Variants in VCAN observed in about 807,000 individuals in gnomAD.
VCAN encodes the protein versican, also known as versican core protein.
In VCAN, 44 loss-of-function variants were observed where a neutral mutation model predicts 245.5. That is an observed-to-expected ratio of 0.18 (90% CI 0.14 to 0.23). The LOEUF is 0.23. VCAN is among the 10% of genes least tolerant of loss of function. The pLI is 1.00. For missense variants in VCAN, 3,793 were observed against 4,057.9 expected (o/e 0.93, Z 1.77); for synonymous variants, 1,413 against 1,437.0 (o/e 0.98, Z 0.38).
At chr5:83,568,382 G>T (rs965672638) in intron 12 of VCAN, among the ~76,000 whole-genome samples, 3 of 152,112 alleles carry the variant, frequency 2.0e-5, no homozygotes, top group African/African-American at 7.2e-5. Context: ...CTAAAATTTG[G>T]TACTGCACCA....
Position 83,490,189 on chromosome 5 carries a change from C to G in VCAN, c.162C>G (p.Pro54=). The G allele has an allele frequency of 6.2e-7, 1 of 1,614,160 alleles. No individual in the cohort carries two copies. The highest frequency in any genetic ancestry group is 8.5e-7 in the Non-Finnish European group (1 of 1,180,030). ...CHFSTMPTLP[P]SYNTSEFLRI... is the part of the protein sequence containing the mutation. Reference sequence around the variant, plus strand: ...TTTCAACGATGCCTACTTTGCCACCCAGTTACAACACCAGTGAATTTCTCC... The same window carrying G: ...TTTCAACGATGCCTACTTTGCCACCGAGTTACAACACCAGTGAATTTCTCC... Residue 54 remains proline, a synonymous_variant, in exon 3 of 15, where the codon CCC becomes CCG. Transcript: ENST00000265077.
chr5:83,531,635 G>A (rs964263557), intron 7 of VCAN, among the ~76,000 whole-genome samples: 3 of 152,066 alleles, frequency 2.0e-5, no homozygotes, highest in Admixed American at 6.6e-5. Context: ...GTACATTTAC[G>A]TTTAATTAAA....
chr5:83,516,473 G>C (rs1378963087), intron 6 of VCAN, among the ~76,000 whole-genome samples: 1 of 152,178 alleles, frequency 6.6e-6, no homozygotes, highest in Non-Finnish European at 1.5e-5. Context: ...GCTGCTAATG[G>C]GGGTTTTAAG....
At chr5:83,568,202 A>G (rs1434001586) in intron 12 of VCAN, among the ~76,000 whole-genome samples, 1 of 152,188 alleles carries the variant, frequency 6.6e-6, no homozygotes, top group African/African-American at 2.4e-5. Flanking sequence ...AAAGACACAA[A>G]GGAAGTTGTT....
intron 1 of VCAN, among the ~76,000 whole-genome samples, chr5:83,482,529 A>G (rs1744647928): frequency 6.6e-6 from 1 of 152,226 alleles, no homozygotes; most frequent in African/African-American, 2.4e-5. Context: ...TGTGTTAGAA[A>G]GGAGAAACGC....
chr5:83,531,854 A>T (rs1055813403), intron 7 of VCAN, among the ~76,000 whole-genome samples: 6 of 152,092 alleles, frequency 3.9e-5, no homozygotes, highest in Admixed American at 6.6e-5. Context: ...AAATGTCATT[A>T]AAAAAAGCCT....
chr5:83,532,878 A>G (rs550018879), intron 7 of VCAN, among the ~76,000 whole-genome samples: 11 of 152,038 alleles, frequency 7.2e-5, no homozygotes, highest in African/African-American at 2.4e-4. Context: ...TTAGTAGACA[A>G]TTTTTTTTCT....
intron 6 of VCAN, among the ~76,000 whole-genome samples, chr5:83,516,420 C>T (rs1017747142): frequency 6.6e-6 from 1 of 152,152 alleles, no homozygotes; most frequent in Non-Finnish European, 1.5e-5. Context: ...AGTCATTTCT[C>T]AATAATGTAG....
chr5:83,551,966 C>T (rs1259878541), intron 10 of VCAN, among the ~76,000 whole-genome samples: 2 of 152,192 alleles, frequency 1.3e-5, no homozygotes, highest in Non-Finnish European at 2.9e-5. Context: ...ACTTGGTGAT[C>T]TCCAAACAAC....
At chr5:83,578,250 G>A (rs1020951364) in intron 13 of VCAN, among the ~76,000 whole-genome samples, 5 of 151,984 alleles carry the variant, frequency 3.3e-5, no homozygotes, top group Admixed American at 6.6e-5. Context: ...CAAATACTGC[G>A]TATTTTCACT....
In VCAN at chr5:83,518,177, G is replaced by T. The variant is rs114149315; in HGVS notation, c.1043-1172G>T. 7.6e-3 allele frequency among the ~76,000 whole-genome samples: 1,160 copies of T among 152,136 alleles called. 21 individuals carry two copies. The highest frequency in any genetic ancestry group is 0.027 in the African/African-American group (1,122 of 41,494). On this transcript the variant is annotated intron_variant, in intron 6 of 14. Coordinates refer to ENST00000265077, the MANE Select transcript of VCAN (RefSeq NM_004385.5). ...AAAACAATAACTACAGGTTTCTTCA[G>T]GACAGTTCTTTTGAGTTCAGTGGCA...
chr5:83,519,327 C>G, intron 6 of VCAN, 22 bp from the exon 7 acceptor site: 1 of 1,612,900 alleles, frequency 6.2e-7, no homozygotes, highest in Non-Finnish European at 8.5e-7. Context: ...GTCTAATCAA[C>G]TCTTTGAAAT....
chr5:83,534,409 A>G (rs1455764709), intron 7 of VCAN, among the ~76,000 whole-genome samples: 1 of 152,042 alleles, frequency 6.6e-6, no homozygotes, highest in Non-Finnish European at 1.5e-5. Flanking sequence ...TATTTACAAA[A>G]GGGTACAAAA....
In VCAN at chr5:83,519,663, T is replaced by C. The variant is rs757932013; in HGVS notation, c.1357T>C (p.Ser453Pro). 1.9e-6 allele frequency: 3 copies of C among 1,614,100 alleles called. No individual in the cohort carries two copies. In the East Asian group the frequency reaches 6.7e-5, roughly 36 times the overall value. Reference sequence around the variant, plus strand: ...AGGACCTCTTGGAAAGCTAGACATATCAGAAATTAAGGAAGAAGTGCTCCA... The same window carrying C: ...AGGACCTCTTGGAAAGCTAGACATACCAGAAATTAAGGAAGAAGTGCTCCA... Reference protein sequence around the residue: ...ASGPLGKLDISEIKEEVLQST... With the variant: ...ASGPLGKLDIPEIKEEVLQST... Residue 453 changes from serine to proline, a missense_variant, in exon 7 of 15, where the codon TCA (serine) becomes CCA (proline). Ser to Pro is a moderately conservative substitution (Grantham distance 74). Around this residue, in one of 5 missense-constraint regions of VCAN, gnomAD observed 3,182 missense variants for 3,250.3 expected, o/e 0.98. Coordinates refer to ENST00000265077, the MANE Select transcript of VCAN (RefSeq NM_004385.5).
At chr5:83,479,561 T>C (rs976814505) in intron 1 of VCAN, among the ~76,000 whole-genome samples, 1 of 152,190 alleles carries the variant, frequency 6.6e-6, no homozygotes, top group Non-Finnish European at 1.5e-5. Context: ...TCTCAGGTCT[T>C]TCCATGCAGA....
chr5:83,488,718 G>C (rs1374871717), intron 2 of VCAN, among the ~76,000 whole-genome samples: 2 of 152,112 alleles, frequency 1.3e-5, no homozygotes, highest in Non-Finnish European at 2.9e-5. Flanking sequence ...CCTTAAGTCT[G>C]CTTTGGATAA....
chr5:83,542,251 C>T lies in VCAN; in HGVS notation c.9248C>T (p.Thr3083Met), dbSNP rs746105412. ...IGINEESVEGTAIYLPGPDRC... is the reference protein window; with the variant it reads ...IGINEESVEGMAIYLPGPDRC... ...ATTAATGAAGAGTCAGTGGAAGGCA[C>T]GGCAATCTATTTACCAGGTAAGATC... The change falls in exon 8 of 15, where the codon ACG becomes ATG. Residue 3083 changes from threonine (T) to methionine (M), a missense_variant. By Grantham distance (81) the Thr-to-Met change is moderately conservative. Around this residue, in one of 5 missense-constraint regions of VCAN, gnomAD observed 3,182 missense variants for 3,250.3 expected, o/e 0.98. Transcript: ENST00000265077. The T allele has an allele frequency of 1.8e-5, 29 of 1,612,982 alleles. No homozygotes were observed. The highest frequency in any genetic ancestry group is 1.2e-4 in the African/African-American group (9 of 74,896).
intron 5 of VCAN, among the ~76,000 whole-genome samples, chr5:83,494,632 C>T (rs2112360364): frequency 1.3e-5 from 2 of 152,242 alleles, no homozygotes; most frequent in East Asian, 3.9e-4. Context: ...CCGACATTAT[C>T]TAAAGAGCAT....
At chr5:83,484,330 T>C (rs1051142925) in intron 2 of VCAN, among the ~76,000 whole-genome samples, 31 of 151,950 alleles carry the variant, frequency 2.0e-4, no homozygotes, top group African/African-American at 7.0e-4. Context: ...ATCCATCATC[T>C]ATCTATTCAT....
Sources: gnomAD v4.1 joint callset for allele counts (sites outside exome capture counted in the v4.1 genomes callset) on GRCh38, gnomAD v4.1.1 for gene constraint, gnomAD v4.1.1 regional missense constraint, MANE v1.5 for transcripts, NCBI Gene and HGNC (gene_info 2026-07-23, HGNC 2026-07-21) for gene names.